PIWIL1: variants seen among roughly 807,000 people sequenced by gnomAD.
PIWIL1 encodes the protein piwi like RNA-mediated gene silencing 1, also known as piwi-like protein 1.
In PIWIL1, 73 loss-of-function variants were observed where a neutral mutation model predicts 114.4. The observed-to-expected ratio is 0.64, with a 90% CI of 0.53 to 0.78. PIWIL1 has a LOEUF of 0.78. Among genes scored for constraint, PIWIL1 ranks in the 30% least tolerant of loss-of-function variants. The pLI is 0.00. For missense variants in PIWIL1, 723 were observed against 1,063.1 expected (o/e 0.68, Z 4.45); for synonymous variants, 375 against 369.0 (o/e 1.02, Z -0.19).
At chr12:130,341,732 G>A (rs1302237039) in intron 1 of PIWIL1, among the ~76,000 whole-genome samples, 5 of 152,192 alleles carry the variant, frequency 3.3e-5, no homozygotes, top group African/African-American at 1.2e-4. Context: ...AAATGTGAAG[G>A]AGTTGGGTTC....
the PIWIL1 span, chr12:130,396,848 A>C: frequency 6.6e-6 from 1 of 152,648 alleles, no homozygotes; most frequent in Non-Finnish European, 1.5e-5. Flanking sequence ...AGACCACTGA[A>C]TGCACGACAC....
chr12:130,384,129 G>A, the PIWIL1 span, among the ~76,000 whole-genome samples: 2 of 152,010 alleles, frequency 1.3e-5, no homozygotes, highest in Admixed American at 6.6e-5. Flanking sequence ...TGTCTCTTTG[G>A]TGAACGTTAT....
At chr12:130,354,401 CTT>C in intron 9 of PIWIL1, 134 bp from the exon 10 acceptor site, 1 of 1,133,302 alleles carries the variant, frequency 8.8e-7, no homozygotes, top group South Asian at 1.5e-5. Flanking sequence ...CTTTTTAAAA[CTT>C]TACTCTGAAG....
chr12:130,390,262 C>T, the PIWIL1 span, among the ~76,000 whole-genome samples: 1 of 152,060 alleles, frequency 6.6e-6, no homozygotes, highest in South Asian at 2.1e-4. Context: ...GAAAATAGTG[C>T]TGTGAGACAG....
At chr12:130,343,231 A>G in intron 3 of PIWIL1, 130 bp downstream of exon 3, 1 of 599,400 alleles carries the variant, frequency 1.7e-6, no homozygotes, top group Non-Finnish European at 3.0e-6. Context: ...ATGTTGCCAC[A>G]ACACACAAAT....
At chr12:130,399,009 CT>C in the PIWIL1 span, 76,177 of 399,148 alleles carry the variant, frequency 0.19, 2 homozygotes, top group East Asian at 0.23. Context: ...TTCTTTGTAT[CT>C]TTTTTTTTTT....
chr12:130,404,824 A>G, the PIWIL1 span, among the ~76,000 whole-genome samples: 1 of 152,204 alleles, frequency 6.6e-6, no homozygotes, highest in African/African-American at 2.4e-5. Context: ...CAAACATAAA[A>G]ATGCATTATA....
chr12:130,424,930 G>T, the PIWIL1 span: 1 of 941,460 alleles, frequency 1.1e-6, no homozygotes, highest in Non-Finnish European at 1.4e-6. This position sits in a 1 kb window ranked among gnomAD's most constrained non-coding sequence, Gnocchi z 9.8. Flanking sequence ...GGCCAGGGGA[G>T]GAAAGAAAAT....
the PIWIL1 span, chr12:130,419,728 T>C: frequency 6.6e-6 from 1 of 152,158 alleles, no homozygotes; most frequent in Non-Finnish European, 1.5e-5. The surrounding 1 kb of genome is among the most constrained non-coding windows in gnomAD (Gnocchi z 4.3). Flanking sequence ...ATATTCAGAG[T>C]TGATTCCTAA....
In PIWIL1 at chr12:130,371,492, G is replaced by C; in HGVS notation, c.2480G>C (p.Arg827Pro). Residue 827 changes from arginine to proline, a missense_variant, in exon 21 of 21, where the codon CGT becomes CCT. Physicochemically the swap from Arg to Pro is moderately radical, Grantham distance 103. Transcript: ENST00000245255. Reference protein sequence around the residue: ...HIYYNWPGVIRVPAPCQYAHK... With the variant: ...HIYYNWPGVIPVPAPCQYAHK... ...TTCCTTCCACTAAAGGGTGTCATTC[G>C]TGTTCCTGCTCCTTGCCAGTACGCC... 1.2e-6 allele frequency: 2 copies of C among 1,613,982 alleles called. No individual in the cohort carries two copies. The highest frequency in any genetic ancestry group is 1.7e-6 in the Non-Finnish European group (2 of 1,179,936).
intron 14 of PIWIL1, among the ~76,000 whole-genome samples, chr12:130,359,507 T>C (rs1166143890): frequency 6.6e-6 from 1 of 152,100 alleles, no homozygotes; most frequent in East Asian, 1.9e-4. Context: ...TTGGGGAGGG[T>C]GTCTCACAAG....
chr12:130,375,537 G>A (rs1402921631), downstream of PIWIL1, among the ~76,000 whole-genome samples: 1 of 152,206 alleles, frequency 6.6e-6, no homozygotes, highest in Admixed American at 6.5e-5. Context: ...CGCACGGTCT[G>A]TGCACTCGGC....
Position 130,355,032 on chromosome 12 carries a change from G to T in PIWIL1, c.1289+27G>T, listed in dbSNP as rs745591695. On this transcript the variant is annotated intron_variant, in intron 11 of 20. Coordinates refer to ENST00000245255, the MANE Select transcript of PIWIL1 (RefSeq NM_004764.5). ...TAAGTCATTGATTTCACTGGGGCAGGGTTTCAGTTTTGTGTTTAGTATTTT... is the reference window on the plus strand; with the variant it reads ...TAAGTCATTGATTTCACTGGGGCAGTGTTTCAGTTTTGTGTTTAGTATTTT... 2.1e-6 allele frequency: 3 copies of T among 1,400,032 alleles called. No homozygotes were observed. The African/African-American group carries it at 4.2e-5, about 20-fold the overall frequency. The allele number at this position is 1,400,032 out of a possible 1,614,324, so 86.7% of individuals were successfully genotyped here.
At chr12:130,396,281 T>TGAA in the PIWIL1 span, 1 of 152,670 alleles carries the variant, frequency 6.6e-6, no homozygotes, top group Non-Finnish European at 1.5e-5. Flanking sequence ...ATAGCGTTTT[T>TGAA]GAAGACACAA....
At chr12:130,340,665 G>A (rs1347989709) in intron 1 of PIWIL1, among the ~76,000 whole-genome samples, 1 of 147,538 alleles carries the variant, frequency 6.8e-6, no homozygotes, top group Non-Finnish European at 1.5e-5. Context: ...GGGGGTTGGT[G>A]GTGGTGGTGG....
Position 130,371,252 on chromosome 12 carries a change from A to C in PIWIL1, c.2398A>C (p.Asn800His), listed in dbSNP as rs1398288809. The C allele has an allele frequency of 6.2e-7, 1 of 1,614,120 alleles. No homozygotes were observed. Among genetic ancestry groups the C allele is most frequent in the Non-Finnish European group, 8.5e-7 (1 of 1,180,044 alleles). Residue 800 changes from asparagine (N) to histidine (H), a missense_variant, in exon 20 of 21, where the codon AAC (asparagine) becomes CAC (histidine). Coordinates refer to ENST00000245255, the MANE Select transcript of PIWIL1 (RefSeq NM_004764.5). The stretch of plus-strand genomic sequence containing the variant: ...CACACATTACAATGTCATCTATGAC[A>C]ACAGCGGCCTGAAGCCAGACCACAT... Reference protein sequence around the residue: ...SPTHYNVIYDNSGLKPDHIQR... With the variant: ...SPTHYNVIYDHSGLKPDHIQR...
intron 16 of PIWIL1, among the ~76,000 whole-genome samples, chr12:130,361,831 T>C (rs1319486365): frequency 2.0e-5 from 3 of 152,184 alleles, no homozygotes; most frequent in African/African-American, 7.2e-5. Context: ...GGCGAGTACA[T>C]CTTGTTAAAT....
chr12:130,367,951 C>A (rs1041413690), intron 19 of PIWIL1, among the ~76,000 whole-genome samples: 16 of 152,198 alleles, frequency 1.1e-4, no homozygotes, highest in African/African-American at 3.9e-4. Context: ...GCATGCACCA[C>A]CATGCCGAGC....
intron 9 of PIWIL1, among the ~76,000 whole-genome samples, chr12:130,350,559 A>C (rs2072799641): frequency 6.6e-6 from 1 of 152,206 alleles, no homozygotes; most frequent in South Asian, 2.1e-4. Context: ...GCAGCTATTG[A>C]CTAGAAGAAA....
Sources: gnomAD v4.1 joint callset for allele counts (sites outside exome capture counted in the v4.1 genomes callset) on GRCh38, gnomAD v4.1.1 for gene constraint, Gnocchi (gnomAD v3.1) non-coding constraint, MANE v1.5 for transcripts, NCBI Gene and HGNC (gene_info 2026-07-23, HGNC 2026-07-21) for gene names.